The following FAT2 variants were observed in gnomAD, a reference collection of about 807,000 sequenced individuals.
FAT2 encodes the protein protocadherin Fat 2.
FAT2 carries 150 observed loss-of-function variants against 295.3 expected under a neutral mutation model. That is an observed-to-expected ratio of 0.51 (90% CI 0.44 to 0.58). The LOEUF (loss-of-function observed/expected upper bound fraction) is 0.58. Ranked by LOEUF, FAT2 falls within the 20% of genes least tolerant of loss-of-function variation. FAT2 has a pLI of 0.00. For synonymous variants in FAT2, 2,026 were observed against 2,150.3 expected, an observed-to-expected ratio of 0.94 and a Z score of 1.60; for missense variants, 4,868 against 5,442.7, an observed-to-expected ratio of 0.89 and a Z score of 3.32.
At chr5:151,563,297 C>T (rs1162732480) in intron 3 of FAT2, 28 bp downstream of exon 3, 2 of 1,606,622 alleles carry the variant, frequency 1.2e-6, no homozygotes, top group African/African-American at 1.3e-5. Context: ...GTAGAGATCC[C>T]TGTTCACCCA....
chr5:151,519,648 G>A (rs1017436130), intron 19 of FAT2, among the ~76,000 whole-genome samples: 1 of 152,192 alleles, frequency 6.6e-6, no homozygotes, highest in Admixed American at 6.5e-5. Context: ...TTCTTTCCTT[G>A]ATCTGGGCGT....
chr5:151,571,463 A>G (rs1758520692), intron 1 of FAT2, among the ~76,000 whole-genome samples: 1 of 152,236 alleles, frequency 6.6e-6, no homozygotes, highest in Non-Finnish European at 1.5e-5. Flanking sequence ...GGCCCCAGCA[A>G]GATACTCTGC....
rs776627407 is a variant in FAT2 at position 151,525,985 on chromosome 5, A to G, written c.10309-20T>C. ...GTTCTCCTGAGACCGAGAGTGACAA[A>G]GAAGGCAAAGAGCAGAATGAGTCCC... On this transcript the variant is annotated intron_variant, in intron 17 of 23. Transcript: ENST00000261800. 7.4e-6 allele frequency: 12 copies of G among 1,612,052 alleles called. No individual in the cohort carries two copies. In the Admixed American group the frequency reaches 1.8e-4, roughly 25 times the overall value.
chr5:151,554,329 T>G (rs1326894324), intron 5 of FAT2, 33 bp downstream of exon 5: 1 of 1,585,920 alleles, frequency 6.3e-7, no homozygotes, highest in Non-Finnish European at 8.6e-7. Flanking sequence ...AGCATGCCAC[T>G]CCTCCCTCCG....
chr5:151,570,931 C>T (rs1285698645), intron 1 of FAT2, among the ~76,000 whole-genome samples: 2 of 152,116 alleles, frequency 1.3e-5, no homozygotes, highest in African/African-American at 2.4e-5. Flanking sequence ...CTGCCTAAAT[C>T]GGGGTCTGAA....
chr5:151,548,583 C>T lies in FAT2; in HGVS notation c.4789+712G>A, dbSNP rs565201069. On this transcript the variant is annotated intron_variant, in intron 9 of 23. Transcript: ENST00000261800. The stretch of plus-strand genomic sequence containing the variant: ...GCAACCTCTGCCTCCCAGGTTCAAG[C>T]GATTCTCCTCCCTCAGCCTCCCGAG... Among the ~76,000 whole-genome samples the T allele has an allele frequency of 2.8e-4, 43 of 152,196 alleles. No individual in the cohort carries two copies. In the Middle Eastern group the frequency reaches 0.014, roughly 48 times the overall value.
Position 151,566,183 on chromosome 5 carries a change from C to T in FAT2, c.2749G>A (p.Asp917Asn), listed in dbSNP as rs1211145722. ...CACTGGGGAGAGTTGTCGTTGACAT[C>T]CTCCAATGTGATTATCAGGTCAGTG... ...SVTDLIITLEDVNDNSPQCIT... is the reference protein window; with the variant it reads ...SVTDLIITLENVNDNSPQCIT... Residue 917 changes from aspartate to asparagine, a missense_variant, in exon 2 of 24, where the codon GAT becomes AAT. By Grantham distance (23) the Asp-to-Asn change is conservative (BLOSUM62 1). This residue lies in a region of FAT2 where 3,297 missense variants were observed against 3,669.4 expected (regional missense o/e 0.90). Transcript: ENST00000261800. 3.1e-6 allele frequency: 5 copies of T among 1,614,010 alleles called. No homozygotes were observed. The highest frequency in any genetic ancestry group is 4.2e-6 in the Non-Finnish European group (5 of 1,180,032).
At position 151,529,203 on chromosome 5, in the gene FAT2, G is replaced by A. The variant is rs561258669; in HGVS notation, c.10001C>T (p.Ala3334Val). ...CGTGAGGATGACGTCACCCACAAGG[G>A]CATTCTCTAAGACCCTTGTGCTATA... is the stretch of plus-strand genomic sequence containing the variant. Reference protein sequence around the residue: ...DPYSTRVLENALVGDVILTVS... With the variant: ...DPYSTRVLENVLVGDVILTVS... The change falls in exon 15 of 24, where the codon GCC becomes GTC. Residue 3334 changes from alanine to valine, a missense_variant. This residue lies in a region of FAT2 where 1,046 missense variants were observed against 1,210.1 expected (regional missense o/e 0.86). Transcript: ENST00000261800. The A allele has an allele frequency of 6.2e-7, 1 of 1,614,072 alleles. No individual in the cohort carries two copies. The highest frequency in any genetic ancestry group is 1.7e-5 in the Admixed American group (1 of 60,018).
intron 1 of FAT2, among the ~76,000 whole-genome samples, 69 bp downstream of exon 1, chr5:151,591,096 A>G (rs1457627639): frequency 2.0e-5 from 3 of 152,170 alleles, no homozygotes; most frequent in Non-Finnish European, 4.4e-5. Flanking sequence ...CTGCTTTGGA[A>G]CCAGACTCAA....
At chr5:151,520,215 G>T (rs78072500) in intron 19 of FAT2, among the ~76,000 whole-genome samples, 1 of 152,258 alleles carries the variant, frequency 6.6e-6, no homozygotes, top group African/African-American at 2.4e-5. Context: ...AGGCAGGAGC[G>T]CTGGTGAGCT....
At chr5:151,508,900 T>G (rs1761099492) in intron 22 of FAT2, among the ~76,000 whole-genome samples, 1 of 152,218 alleles carries the variant, frequency 6.6e-6, no homozygotes, top group Non-Finnish European at 1.5e-5. Flanking sequence ...GGCCCATTCT[T>G]GGAGATTCTG....
Position 151,512,313 on chromosome 5 carries a change from G to A in FAT2, c.11757C>T (p.Asn3919=), listed in dbSNP as rs138511375. 54 of 1,614,064 alleles carry A rather than the reference G, an allele frequency of 3.3e-5. No individual in the cohort carries two copies. Among genetic ancestry groups the A allele is most frequent in the Non-Finnish European group, 4.1e-5 (48 of 1,180,036 alleles). Residue 3919 remains asparagine (N), a synonymous_variant, in exon 21 of 24, where the codon AAC becomes AAT. Transcript: ENST00000261800. This position sits in a 1 kb window ranked among gnomAD's most constrained non-coding sequence, Gnocchi z 4.1. ...GGGCCAGCAGATCTAGAGCCTCTTC[G>A]TTGACCACGACAGCATCCAGGCAGC... The part of the protein sequence containing the change: ...FEGCLDAVVV[N]EEALDLLAPG...
At position 151,531,854 on chromosome 5, in the gene FAT2, G is replaced by T; in HGVS notation, c.9544C>A (p.Pro3182Thr). ...EKPLQVRPQAPLELTVRASDL... is the reference protein window; with the variant it reads ...EKPLQVRPQATLELTVRASDL... Reference sequence around the variant, plus strand: ...GAGGCACGGACCGTGAGCTCCAGTGGTGCCTGGGGCCTGACCTGCAGCGGC... The same window carrying T: ...GAGGCACGGACCGTGAGCTCCAGTGTTGCCTGGGGCCTGACCTGCAGCGGC... Residue 3182 changes from proline (P) to threonine (T), a missense_variant, in exon 14 of 24, where the codon CCA (proline) becomes ACA (threonine). Around this residue, in one of 5 missense-constraint regions of FAT2, gnomAD observed 1,046 missense variants for 1,210.1 expected, o/e 0.86. Coordinates refer to ENST00000261800, the MANE Select transcript of FAT2 (RefSeq NM_001447.3). This position sits in a 1 kb window ranked among gnomAD's most constrained non-coding sequence, Gnocchi z 5.7. 1 of 1,614,140 alleles carries T rather than the reference G, an allele frequency of 6.2e-7. No homozygotes were observed. Among genetic ancestry groups the T allele is most frequent in the Non-Finnish European group, 8.5e-7 (1 of 1,180,020 alleles).
intron 19 of FAT2, 21 bp from the exon 20 acceptor site, chr5:151,517,786 G>C (rs1388650330): frequency 6.2e-7 from 1 of 1,613,528 alleles, no homozygotes; most frequent in Non-Finnish European, 8.5e-7. Flanking sequence ...AACCAAAGCT[G>C]TCACCTCTAC....
At chr5:151,525,666 G>T in intron 18 of FAT2, 102 bp downstream of exon 18, 1 of 1,333,588 alleles carries the variant, frequency 7.5e-7, no homozygotes, top group Non-Finnish European at 1.1e-6. Context: ...CATCCTAAGT[G>T]CTTTGTACAT....
In FAT2 at chr5:151,545,247, T is replaced by C. The variant is rs374723412; in HGVS notation, c.5880A>G (p.Gln1960=). The C allele has an allele frequency of 8.7e-6, 14 of 1,614,024 alleles. No individual in the cohort carries two copies. The highest frequency in any genetic ancestry group is 5.0e-5 in the Admixed American group (3 of 59,992). ...DTALVKISLT[Q]VLDKSLQFDQ... ...CAAACTGCAAGCTTTTGTCAAGCAC[T>C]TGGGTCAAAGAAATTTTTACCAGCG... The change falls in exon 10 of 24, where the codon CAA becomes CAG. Residue 1960 remains glutamine (Q), a synonymous_variant. Coordinates refer to ENST00000261800, the MANE Select transcript of FAT2 (RefSeq NM_001447.3).
Position 151,545,836 on chromosome 5 carries a change from AC to A in FAT2, c.5290del (p.Val1764TrpfsTer13), listed in dbSNP as rs773439007. ...TGGAGCTGCTTCACTAATTTGGCCCACAAAAGTTGACTTTAAGAACATAGGA... is the reference window on the plus strand; with the variant it reads ...TGGAGCTGCTTCACTAATTTGGCCCAAAAAGTTGACTTTAAGAACATAGGA... ...NAPMFLKSTF[V>X]GQISEAAPLY... is the part of the protein sequence containing the mutation. On this transcript the variant is annotated frameshift_variant, in exon 10 of 24. Coordinates refer to ENST00000261800, the MANE Select transcript of FAT2 (RefSeq NM_001447.3). LOFTEE classifies it high-confidence loss of function. 1.2e-6 allele frequency: 2 copies of A among 1,614,252 alleles called. No individual in the cohort carries two copies. Among genetic ancestry groups the A allele is most frequent in the Non-Finnish European group, 1.7e-6 (2 of 1,180,054 alleles).
chr5:151,570,715 C>T (rs773781259), intron 1 of FAT2, among the ~76,000 whole-genome samples: 11 of 152,194 alleles, frequency 7.2e-5, no homozygotes, highest in Non-Finnish European at 1.2e-4. Context: ...CAGCCAGATG[C>T]GCTGGAGCAT....
chr5:151,565,647 A>ACCCCCC, intron 2 of FAT2, 26 bp downstream of exon 2: 9 of 1,461,026 alleles, frequency 6.2e-6, no homozygotes, highest in Non-Finnish European at 5.6e-6. Context: ...TGGCCCTGGC[A>ACCCCCC]CCCCACCCTA....
Sources: gnomAD v4.1 joint callset for allele counts (sites outside exome capture counted in the v4.1 genomes callset) on GRCh38, gnomAD v4.1.1 for gene constraint, gnomAD v4.1.1 regional missense constraint, Gnocchi (gnomAD v3.1) non-coding constraint, MANE v1.5 for transcripts, NCBI Gene and HGNC (gene_info 2026-07-23, HGNC 2026-07-21) for gene names.